Variants in BLTP3B observed in about 807,000 individuals in gnomAD.
BLTP3B encodes the protein UHRF1 (ICBP90) binding protein 1-like.
At chr12:100,114,117 G>T in the BLTP3B span, among the ~76,000 whole-genome samples, 3 of 152,116 alleles carry the variant, frequency 2.0e-5, no homozygotes, top group Non-Finnish European at 2.9e-5. Context: ...TATTTAGCTT[G>T]TTATTAATAA....
chr12:100,090,235 T>C, the BLTP3B span, among the ~76,000 whole-genome samples: 1 of 152,204 alleles, frequency 6.6e-6, no homozygotes, highest in African/African-American at 2.4e-5. Flanking sequence ...GTATGTCCTT[T>C]GAACTTGAAT....
chr12:100,139,066 C>T, the BLTP3B span, among the ~76,000 whole-genome samples: 2 of 152,296 alleles, frequency 1.3e-5, no homozygotes, highest in South Asian at 4.1e-4. Flanking sequence ...AAAAGCTTTT[C>T]CTGTTTCACT....
At chr12:100,090,389 C>T in the BLTP3B span, among the ~76,000 whole-genome samples, 1 of 151,950 alleles carries the variant, frequency 6.6e-6, no homozygotes, top group Non-Finnish European at 1.5e-5. Flanking sequence ...ATTTTGTATA[C>T]ATAACTATAA....
chr12:100,136,589 T>G, the BLTP3B span, among the ~76,000 whole-genome samples: 1 of 152,194 alleles, frequency 6.6e-6, no homozygotes, highest in African/African-American at 2.4e-5. Context: ...CATAAAAGTT[T>G]ATGATACAAA....
chr12:100,107,976 A>C, the BLTP3B span, among the ~76,000 whole-genome samples: 1 of 152,104 alleles, frequency 6.6e-6, no homozygotes, highest in African/African-American at 2.4e-5. Flanking sequence ...TCCTGGGCTC[A>C]AGCAATCCGC....
At chr12:100,128,968 T>C in the BLTP3B span, among the ~76,000 whole-genome samples, 1 of 152,194 alleles carries the variant, frequency 6.6e-6, no homozygotes, top group African/African-American at 2.4e-5. Context: ...CATTATCTTT[T>C]TAATTTTATA....
chr12:100,065,754 G>T, the BLTP3B span, among the ~76,000 whole-genome samples: 2 of 152,106 alleles, frequency 1.3e-5, no homozygotes, highest in Admixed American at 6.6e-5. Flanking sequence ...AGGAGTTTTT[G>T]ATTTTGCCCT....
chr12:100,069,881 A>C, the BLTP3B span: 1 of 909,786 alleles, frequency 1.1e-6, no homozygotes. Flanking sequence ...TTTAAATAAA[A>C]ATAAAATAGA....
At chr12:100,130,587 A>G in the BLTP3B span, among the ~76,000 whole-genome samples, 1 of 152,160 alleles carries the variant, frequency 6.6e-6, no homozygotes, top group South Asian at 2.1e-4. Context: ...TTTATAGTGC[A>G]TTTCAGTTAT....
chr12:100,119,989 T>G, the BLTP3B span, among the ~76,000 whole-genome samples: 3 of 152,228 alleles, frequency 2.0e-5, no homozygotes, highest in Non-Finnish European at 4.4e-5. Context: ...AACCATAGAC[T>G]GGGAAAAAAT....
chr12:100,067,566 T>C, the BLTP3B span, among the ~76,000 whole-genome samples: 1 of 152,048 alleles, frequency 6.6e-6, no homozygotes, highest in Non-Finnish European at 1.5e-5. Flanking sequence ...CATCTTTATG[T>C]GCATATACTA....
At chr12:100,100,670 C>A in the BLTP3B span, among the ~76,000 whole-genome samples, 1 of 151,646 alleles carries the variant, frequency 6.6e-6, no homozygotes. Context: ...CAAGATCATG[C>A]CACTGCATTC....
At chr12:100,084,305 G>A in the BLTP3B span, among the ~76,000 whole-genome samples, 3 of 149,140 alleles carry the variant, frequency 2.0e-5, no homozygotes, top group South Asian at 4.3e-4. Flanking sequence ...ACTACCCTAG[G>A]CAACATAGCA....
the BLTP3B span, among the ~76,000 whole-genome samples, chr12:100,134,423 T>C: frequency 6.6e-6 from 1 of 151,994 alleles, no homozygotes; most frequent in African/African-American, 2.4e-5. Flanking sequence ...CTGGCCAACA[T>C]GATAAAACCT....
At chr12:100,128,738 G>C in the BLTP3B span, 2 of 1,281,294 alleles carry the variant, frequency 1.6e-6, no homozygotes, top group Non-Finnish European at 2.0e-6. Flanking sequence ...GCAGGGAATG[G>C]GTACACAGGG....
chr12:100,057,626 C>A, the BLTP3B span: 2 of 1,611,792 alleles, frequency 1.2e-6, no homozygotes, highest in Non-Finnish European at 1.7e-6. Flanking sequence ...ACTGTTCTTC[C>A]AATATCATGC....
the BLTP3B span, chr12:100,037,904 C>CTTGG: frequency 3.7e-5 from 24 of 648,326 alleles, no homozygotes; most frequent in African/African-American, 4.2e-4. Flanking sequence ...TGCTTTGAGA[C>CTTGG]AACATTTGGA....
the BLTP3B span, among the ~76,000 whole-genome samples, chr12:100,104,790 G>A: frequency 2.8e-5 from 4 of 142,098 alleles, no homozygotes; most frequent in Non-Finnish European, 3.0e-5. Flanking sequence ...CAAAATCAAC[G>A]TACACAAATT....
the BLTP3B span, chr12:100,082,886 C>T: frequency 1.6e-6 from 1 of 630,680 alleles, no homozygotes; most frequent in Non-Finnish European, 2.7e-6. Context: ...ATTTTCTATG[C>T]CATCTAATAT....
Sources: allele counts gnomAD v4.1 joint callset (sites outside exome capture counted in the v4.1 genomes callset), GRCh38; gene constraint gnomAD v4.1.1; transcripts MANE v1.5; gene names NCBI Gene and HGNC (gene_info 2026-07-23, HGNC 2026-07-21).